The following PTPN13 variants were observed in gnomAD, a reference collection of about 807,000 sequenced individuals.
PTPN13 encodes the protein protein tyrosine phosphatase non-receptor type 13, also known as tyrosine-protein phosphatase non-receptor type 13.
A neutral mutation model predicts 284.0 loss-of-function variants in PTPN13; 191 were observed. That is an observed-to-expected ratio of 0.67 (90% CI 0.60 to 0.76). PTPN13 has a LOEUF of 0.76. Among genes scored for constraint, PTPN13 ranks in the 30% least tolerant of loss-of-function variants. PTPN13 has a pLI of 0.00. For missense variants in PTPN13, 2,797 were observed against 2,939.9 expected (o/e 0.95, Z 1.12); for synonymous variants, 986 against 1,022.3 (o/e 0.96, Z 0.68).
intron 2 of PTPN13, among the ~76,000 whole-genome samples, chr4:86,660,205 C>A (rs1726321966): frequency 6.6e-6 from 1 of 152,092 alleles, no homozygotes. Context: ...AAGGGTCGAT[C>A]TGTTTATGAG....
intron 10 of PTPN13, among the ~76,000 whole-genome samples, chr4:86,725,779 G>C (rs28769973): frequency 6.7e-6 from 1 of 149,080 alleles, no homozygotes; most frequent in South Asian, 2.1e-4. Context: ...GCCTGTTCAC[G>C]CTGATGGTAG....
chr4:86,657,484 G>A (rs1433663587), intron 2 of PTPN13, among the ~76,000 whole-genome samples: 8 of 152,116 alleles, frequency 5.3e-5, no homozygotes, highest in Non-Finnish European at 1.0e-4. Context: ...CTTTTCCCCA[G>A]TCAGAAGGAA....
intron 42 of PTPN13, among the ~76,000 whole-genome samples, chr4:86,800,507 C>A (rs1421493495): frequency 6.6e-6 from 1 of 152,040 alleles, no homozygotes; most frequent in Admixed American, 6.6e-5. Context: ...CAAAAATTAG[C>A]TGGTCATGGT....
At chr4:86,807,475 A>G in intron 44 of PTPN13, 85 bp from the exon 45 acceptor site, 1 of 1,011,770 alleles carries the variant, frequency 9.9e-7, no homozygotes, top group Admixed American at 2.4e-5. Context: ...AGAATTTCTC[A>G]TGATCTTTGA....
At chr4:86,619,322 A>G (rs1578264442) in intron 1 of PTPN13, among the ~76,000 whole-genome samples, 1 of 152,360 alleles carries the variant, frequency 6.6e-6, no homozygotes, top group Admixed American at 6.5e-5. Context: ...ATCTATGTAT[A>G]TTCCAGTAAT....
Position 86,780,621 on chromosome 4 carries a change from T to A in PTPN13, c.5962+149T>A, listed in dbSNP as rs1741195881. ...GCTTTTTCACTGCCAGCTGTTCACT[T>A]GAAGAAAGTAAGCCTATATTCTACA... On this transcript the variant is annotated intron_variant, in intron 36 of 47. Coordinates refer to ENST00000411767, the MANE Select transcript of PTPN13 (RefSeq NM_080683.3). 2.6e-5 allele frequency: 17 copies of A among 657,616 alleles called. No individual in the cohort carries two copies. In the South Asian group the frequency reaches 3.0e-4, roughly 12 times the overall value. 40.7% of individuals were successfully genotyped at this position (657,616 alleles called of 1,614,324 possible).
chr4:86,711,673 A>G (rs528785163), intron 7 of PTPN13, among the ~76,000 whole-genome samples: 1 of 152,334 alleles, frequency 6.6e-6, no homozygotes, highest in Admixed American at 6.5e-5. Context: ...ACCCTAGTAC[A>G]CTAATTTTTA....
chr4:86,775,746 T>A, intron 35 of PTPN13, 94 bp downstream of exon 35: 1 of 971,434 alleles, frequency 1.0e-6, no homozygotes, highest in Non-Finnish European at 1.5e-6. Context: ...ATTACTGAAT[T>A]AGTAATTCAT....
At chr4:86,679,654 G>C (rs1021989179) in intron 3 of PTPN13, among the ~76,000 whole-genome samples, 1 of 152,180 alleles carries the variant, frequency 6.6e-6, no homozygotes, top group Admixed American at 6.5e-5. Context: ...TCTATGATTT[G>C]TTGCCACACA....
chr4:86,774,072 GT>G, intron 32 of PTPN13, among the ~76,000 whole-genome samples: 1 of 152,068 alleles, frequency 6.6e-6, no homozygotes, highest in East Asian at 1.9e-4. Flanking sequence ...CCACTATTGT[GT>G]CCTTATTTAT....
chr4:86,623,301 C>T (rs1283241727), intron 1 of PTPN13, among the ~76,000 whole-genome samples: 1 of 152,106 alleles, frequency 6.6e-6, no homozygotes, highest in African/African-American at 2.4e-5. Flanking sequence ...CCTATCCAGG[C>T]CCCTGACTAA....
intron 15 of PTPN13, among the ~76,000 whole-genome samples, chr4:86,740,804 T>C (rs1020280909): frequency 2.0e-5 from 3 of 152,138 alleles, no homozygotes; most frequent in Non-Finnish European, 4.4e-5. Context: ...ACATATTGAA[T>C]GCTTTGCTGC....
chr4:86,776,272 T>C (rs1272524390), intron 35 of PTPN13, among the ~76,000 whole-genome samples: 1 of 152,200 alleles, frequency 6.6e-6, no homozygotes, highest in Non-Finnish European at 1.5e-5. Flanking sequence ...ATATTGGACT[T>C]TAGAAGTCCC....
chr4:86,723,670 G>A (rs1396921957), intron 10 of PTPN13, among the ~76,000 whole-genome samples: 1 of 152,108 alleles, frequency 6.6e-6, no homozygotes, highest in Non-Finnish European at 1.5e-5. Flanking sequence ...GTTTGTGCCA[G>A]TTTTTGCTTC....
Position 86,803,789 on chromosome 4 carries a change from A to C in PTPN13, c.6586A>C (p.Asn2196His). 6.2e-7 allele frequency: 1 copy of C among 1,613,964 alleles called. No homozygotes were observed. The highest frequency in any genetic ancestry group is 8.5e-7 in the Non-Finnish European group (1 of 1,179,856). The stretch of plus-strand genomic sequence containing the variant: ...TCCCTCTGGTAAATACACGGGTGCC[A>C]ACTTAAAATCAGTCATTCGAGTCCT... ...VLPSGKYTGA[N>H]LKSVIRVLRG... Residue 2196 changes from asparagine (N) to histidine (H), a missense_variant, in exon 43 of 48, where the codon AAC becomes CAC. Physicochemically the swap from Asn to His is moderately conservative, Grantham distance 68. Transcript: ENST00000411767.
chr4:86,650,698 C>A (rs535155544), intron 2 of PTPN13, among the ~76,000 whole-genome samples: 2 of 152,132 alleles, frequency 1.3e-5, no homozygotes, highest in East Asian at 1.9e-4. Flanking sequence ...AATGGAATTA[C>A]TTTCTTAATT....
At chr4:86,632,236 G>C (rs1266405918) in intron 1 of PTPN13, among the ~76,000 whole-genome samples, 1 of 152,002 alleles carries the variant, frequency 6.6e-6, no homozygotes, top group Non-Finnish European at 1.5e-5. Flanking sequence ...CCCTTCCCTA[G>C]CTAAGATTAT....
chr4:86,691,243 GTTAAAA>G (rs1252655233), intron 5 of PTPN13, among the ~76,000 whole-genome samples: 3 of 150,754 alleles, frequency 2.0e-5, no homozygotes, highest in Non-Finnish European at 3.0e-5. Context: ...AAAAAAAAAA[GTTAAAA>G]TTAAAAATAG....
In PTPN13 at chr4:86,803,694, C is replaced by T. The variant is rs2149374357; in HGVS notation, c.6506-15C>T. 5 of 1,611,674 alleles carry T rather than the reference C, an allele frequency of 3.1e-6. No homozygotes were observed. The highest frequency in any genetic ancestry group is 4.2e-6 in the Non-Finnish European group (5 of 1,178,326). Reference sequence around the variant, plus strand: ...TTCTGGAGGAACTGTTTTTAAATTGCTGTCTTCCTATTAGATCATTCCTTT... The same window carrying T: ...TTCTGGAGGAACTGTTTTTAAATTGTTGTCTTCCTATTAGATCATTCCTTT... On this transcript the variant is annotated splice_polypyrimidine_tract_variant and intron_variant, in intron 42 of 47. Coordinates refer to ENST00000411767, the MANE Select transcript of PTPN13 (RefSeq NM_080683.3).
Sources: gnomAD v4.1 joint callset for allele counts (sites outside exome capture counted in the v4.1 genomes callset) on GRCh38, gnomAD v4.1.1 for gene constraint, MANE v1.5 for transcripts, NCBI Gene and HGNC (gene_info 2026-07-23, HGNC 2026-07-21) for gene names.